RAD50: variants seen among roughly 807,000 people sequenced by gnomAD.
RAD50 encodes DNA repair protein RAD50.
RAD50 carries 132 observed loss-of-function variants against 168.8 expected under a neutral mutation model. The observed-to-expected ratio is 0.78, with a 90% CI of 0.68 to 0.90. The LOEUF is 0.90. Ranked by LOEUF, RAD50 falls within the 40% of genes least tolerant of loss-of-function variation. The pLI is 0.00. For synonymous variants in RAD50, 525 were observed against 497.4 expected, an observed-to-expected ratio of 1.06 and a Z score of -0.74; for missense variants, 1,347 against 1,534.4, an observed-to-expected ratio of 0.88 and a Z score of 2.04.
intron 5 of RAD50, among the ~76,000 whole-genome samples, chr5:132,580,900 G>A (rs927081489): frequency 1.3e-5 from 2 of 151,894 alleles, no homozygotes; most frequent in African/African-American, 4.8e-5. Context: ...TATTGATTTG[G>A]TTTTTAAAAA....
intron 13 of RAD50, among the ~76,000 whole-genome samples, chr5:132,602,778 TTC>T (rs1458374130): frequency 1.3e-5 from 2 of 152,210 alleles, no homozygotes; most frequent in Non-Finnish European, 2.9e-5. Context: ...TCAATGCCTT[TTC>T]TGTTTCAGGG....
At chr5:132,588,218 C>T in intron 7 of RAD50, 129 bp downstream of exon 7, 1 of 1,078,814 alleles carries the variant, frequency 9.3e-7, no homozygotes, top group Non-Finnish European at 1.3e-6. Context: ...CAGTATGTTT[C>T]CATTTATATA....
chr5:132,592,013 G>C lies in RAD50; in HGVS notation c.1772G>C (p.Arg591Thr), dbSNP rs876659890. The change falls in exon 11 of 25, where the codon AGG (arginine) becomes ACG (threonine). Residue 591 changes from arginine to threonine, a missense_variant. By Grantham distance (71) the Arg-to-Thr change is moderately conservative (BLOSUM62 -1). Around this residue, in one of 3 missense-constraint regions of RAD50, gnomAD observed 703 missense variants for 767.7 expected, o/e 0.92. Transcript: ENST00000378823. ...AAATCAAAAGAAATTAATCAGACCA[G>C]GGACAGACTTGCCAAATTGAAGTAA... ...HSKSKEINQT[R>T]DRLAKLNKEL... 1 of 1,613,060 alleles carries C rather than the reference G, an allele frequency of 6.2e-7. No homozygotes were observed. The highest frequency in any genetic ancestry group is 8.5e-7 in the Non-Finnish European group (1 of 1,179,314).
intron 9 of RAD50, among the ~76,000 whole-genome samples, chr5:132,590,928 C>G (rs1200809007): frequency 1.3e-5 from 2 of 152,188 alleles, no homozygotes; most frequent in Admixed American, 6.5e-5. Context: ...TGAGGACTCA[C>G]TAATCTGTGT....
rs112289898 is a variant in RAD50 at position 132,565,822 on chromosome 5, C to G, written c.213+6455C>G. On this transcript the variant is annotated intron_variant, in intron 2 of 24. Transcript: ENST00000378823. ...CACTCTGCTTCTGAGCTGGATCCCC[C>G]CTATTTGTGGATTCCTCTTTCATCC... 7.0e-3 allele frequency among the ~76,000 whole-genome samples: 1,064 copies of G among 152,228 alleles called. 16 individuals carry two copies. Among genetic ancestry groups the G allele is most frequent in the African/African-American group, 0.023 (972 of 41,518 alleles).
intron 16 of RAD50, among the ~76,000 whole-genome samples, chr5:132,605,486 A>C (rs1468156449): frequency 6.6e-6 from 1 of 152,126 alleles, no homozygotes; most frequent in Non-Finnish European, 1.5e-5. Flanking sequence ...ATGGGACTAC[A>C]GGCACACACC....
chr5:132,618,031 TA>T lies in RAD50; in HGVS notation c.3165-33del, dbSNP rs752958699. 15 of 1,553,920 alleles carry T rather than the reference TA, an allele frequency of 9.7e-6. No homozygotes were observed. In the African/African-American group the frequency reaches 1.5e-4, roughly 15 times the overall value. ...TTTTCCACTTCAGGTTGTTAAAAGCTAAAAAATGGTCCTCATTTGTCATTTT... is the reference window on the plus strand; with the variant it reads ...TTTTCCACTTCAGGTTGTTAAAAGCTAAAAATGGTCCTCATTTGTCATTTT... On this transcript the variant is annotated intron_variant, in intron 20 of 24. Coordinates refer to ENST00000378823, the MANE Select transcript of RAD50 (RefSeq NM_005732.4).
chr5:132,607,154 GT>G (rs2149848770), intron 16 of RAD50, among the ~76,000 whole-genome samples: 1 of 152,354 alleles, frequency 6.6e-6, no homozygotes, highest in South Asian at 2.1e-4. Flanking sequence ...GGAAGAAGGA[GT>G]TTGCCATAAT....
intron 1 of RAD50, 29 bp from the exon 2 acceptor site, chr5:132,559,255 C>T (rs376301530): frequency 3.4e-5 from 53 of 1,570,660 alleles, no homozygotes; most frequent in Middle Eastern, 4.1e-4. Context: ...TCTCTTATAA[C>T]GAAATAATGT....
intron 5 of RAD50, among the ~76,000 whole-genome samples, chr5:132,584,665 A>C (rs1413029108): frequency 4.6e-5 from 7 of 152,194 alleles, no homozygotes; most frequent in Admixed American, 6.5e-5. Context: ...TTGCAGCACT[A>C]CTCACAATAG....
chr5:132,613,594 C>CTT (rs869151568), intron 19 of RAD50, among the ~76,000 whole-genome samples: 4,336 of 110,980 alleles, frequency 0.039, 152 homozygotes, highest in African/African-American at 0.086. Flanking sequence ...TCACAATAGT[C>CTT]TTTTTTTTTT....
At chr5:132,592,055 A>G in intron 11 of RAD50, 21 bp downstream of exon 11, 1 of 1,593,932 alleles carries the variant, frequency 6.3e-7, no homozygotes, top group Non-Finnish European at 8.6e-7. Flanking sequence ...ACATTTGGAG[A>G]TGTAATAGAA....
chr5:132,597,499 T>G (rs1459942280), intron 13 of RAD50, among the ~76,000 whole-genome samples: 4 of 152,160 alleles, frequency 2.6e-5, no homozygotes, highest in Non-Finnish European at 5.9e-5. Context: ...TCTCACTCAC[T>G]CTGTCTCCCT....
intron 5 of RAD50, among the ~76,000 whole-genome samples, chr5:132,584,913 C>G (rs1194201789): frequency 7.9e-6 from 1 of 127,022 alleles, no homozygotes; most frequent in Non-Finnish European, 1.5e-5. Context: ...CTTGGACAGA[C>G]ACAGGAAGGG....
chr5:132,558,823 C>T (rs776017075), intron 1 of RAD50, among the ~76,000 whole-genome samples: 1 of 151,800 alleles, frequency 6.6e-6, no homozygotes, highest in Non-Finnish European at 1.5e-5. Flanking sequence ...TGCTTGAGCC[C>T]AGGAGGTCGA....
At chr5:132,595,392 A>G in intron 12 of RAD50, 181 bp from the exon 13 acceptor site, 1 of 505,336 alleles carries the variant, frequency 2.0e-6, no homozygotes. Flanking sequence ...ACAAATCTGA[A>G]TGTATCATGC....
At chr5:132,604,465 C>T (rs993006589) in intron 15 of RAD50, among the ~76,000 whole-genome samples, 1 of 152,052 alleles carries the variant, frequency 6.6e-6, no homozygotes, top group Non-Finnish European at 1.5e-5. Flanking sequence ...TGGGGTTTCA[C>T]TGTGTTTGTC....
At chr5:132,605,356 T>C (rs901703369) in intron 16 of RAD50, among the ~76,000 whole-genome samples, 11 of 152,112 alleles carry the variant, frequency 7.2e-5, no homozygotes, top group Admixed American at 5.9e-4. Context: ...TTCTTCTCTT[T>C]TAGAGACAGA....
At chr5:132,601,065 C>G (rs756446735) in intron 13 of RAD50, among the ~76,000 whole-genome samples, 13 of 152,202 alleles carry the variant, frequency 8.5e-5, no homozygotes, top group Non-Finnish European at 1.6e-4. Context: ...GGCACAATCT[C>G]AGCTCACTGC....
Sources: allele counts gnomAD v4.1 joint callset (sites outside exome capture counted in the v4.1 genomes callset), GRCh38; gene constraint gnomAD v4.1.1; regional missense constraint gnomAD v4.1.1; transcripts MANE v1.5; gene names NCBI Gene and HGNC (gene_info 2026-07-23, HGNC 2026-07-21).